NUBPL: variants seen among roughly 807,000 people sequenced by gnomAD.
The protein encoded by NUBPL is NUBP iron-sulfur cluster assembly factor, mitochondrial.
NUBPL carries 31 observed loss-of-function variants against 45.7 expected under a neutral mutation model. That is an observed-to-expected ratio of 0.68 (90% CI 0.51 to 0.92). The LOEUF (loss-of-function observed/expected upper bound fraction) is 0.92, where lower values mean the gene tolerates loss of function less well. Ranked by LOEUF, NUBPL falls within the 40% of genes least tolerant of loss-of-function variation. NUBPL has a pLI of 0.00. For synonymous variants in NUBPL, 144 were observed against 140.9 expected (o/e 1.02, Z -0.15); for missense variants, 401 against 398.7 (o/e 1.01, Z -0.05).
At chr14:31,609,736 A>G (rs1037881990) in intron 4 of NUBPL, among the ~76,000 whole-genome samples, 23 of 152,212 alleles carry the variant, frequency 1.5e-4, no homozygotes, top group Non-Finnish European at 2.1e-4. Context: ...TCTGACCACA[A>G]TGGAATAAAA....
chr14:31,839,384 A>G (rs999585682), intron 8 of NUBPL, among the ~76,000 whole-genome samples: 6 of 152,210 alleles, frequency 3.9e-5, no homozygotes, highest in African/African-American at 1.4e-4. Flanking sequence ...GCTTCAATAA[A>G]TGGTGTTAGG....
chr14:31,819,930 G>A (rs531535078), intron 7 of NUBPL, among the ~76,000 whole-genome samples: 1 of 152,132 alleles, frequency 6.6e-6, no homozygotes, highest in South Asian at 2.1e-4. Context: ...CACGAGGTCA[G>A]GAGATCGAGA....
rs112410415 is a variant in NUBPL, at chr14:31,791,136, G to T, written c.607+3263G>T. Among the ~76,000 whole-genome samples the T allele has an allele frequency of 3.9e-4, 59 of 152,040 alleles. 1 individual carries two copies. Among genetic ancestry groups the T allele is most frequent in the African/African-American group, 1.3e-3 (52 of 41,480 alleles). ...AATATTAAACAAAAAAAGTTAGCTGGGAGTGGTGACGTGCACTTGTGGTCC... is the reference window on the plus strand; with the variant it reads ...AATATTAAACAAAAAAAGTTAGCTGTGAGTGGTGACGTGCACTTGTGGTCC... On this transcript the variant is annotated intron_variant, in intron 7 of 10. Transcript: ENST00000281081.
At chr14:31,658,249 A>C (rs1266583162) in intron 4 of NUBPL, among the ~76,000 whole-genome samples, 1 of 152,178 alleles carries the variant, frequency 6.6e-6, no homozygotes, top group Non-Finnish European at 1.5e-5. Flanking sequence ...TATGTATGTG[A>C]AAAGAATATG....
At chr14:31,637,971 C>G (rs2035557226) in intron 4 of NUBPL, among the ~76,000 whole-genome samples, 2 of 152,052 alleles carry the variant, frequency 1.3e-5, no homozygotes. Flanking sequence ...TTATTTTGAG[C>G]CTATATGTGT....
intron 6 of NUBPL, among the ~76,000 whole-genome samples, chr14:31,762,117 G>C (rs1183372119): frequency 6.6e-6 from 1 of 152,148 alleles, no homozygotes; most frequent in Non-Finnish European, 1.5e-5. Context: ...CAAATTTGCA[G>C]GTTCTTCAGA....
chr14:31,561,619 A>ATT, intron 1 of NUBPL, 72 bp downstream of exon 1: 5 of 1,033,890 alleles, frequency 4.8e-6, no homozygotes, highest in Non-Finnish European at 1.3e-6. Context: ...ATGCCCTGGC[A>ATT]TTGCTTCTTG....
At chr14:31,770,563 G>T (rs937567269) in intron 6 of NUBPL, among the ~76,000 whole-genome samples, 3 of 152,206 alleles carry the variant, frequency 2.0e-5, no homozygotes, top group South Asian at 4.1e-4. Flanking sequence ...TACGAAACTT[G>T]TGACTTCTAG....
intron 7 of NUBPL, among the ~76,000 whole-genome samples, chr14:31,816,531 C>T (rs757967943): frequency 2.6e-5 from 4 of 152,044 alleles, no homozygotes; most frequent in Non-Finnish European, 4.4e-5. Context: ...CTATCTCCTT[C>T]AGTTCTGCTC....
rs540754343 is a variant in NUBPL, at chr14:31,808,205, C to A, written c.608-18424C>A. Among the ~76,000 whole-genome samples, 8 of 152,134 alleles carry A rather than the reference C, an allele frequency of 5.3e-5. No homozygotes were observed. The South Asian group carries it at 6.2e-4, about 12-fold the overall frequency. ...GGGGATGGCATTGAATCTATAAATT[C>A]CCTTGGGCAGTATGGCCATTTTCAC... On this transcript the variant is annotated intron_variant, in intron 7 of 10. Coordinates refer to ENST00000281081, the MANE Select transcript of NUBPL (RefSeq NM_025152.3).
At chr14:31,643,662 T>C (rs1322807378) in intron 4 of NUBPL, among the ~76,000 whole-genome samples, 4 of 152,158 alleles carry the variant, frequency 2.6e-5, no homozygotes, top group Non-Finnish European at 5.9e-5. Flanking sequence ...TCTGGCCTTA[T>C]AGGATCCGTT....
At chr14:31,847,379 A>G (rs2040470792) in intron 9 of NUBPL, among the ~76,000 whole-genome samples, 1 of 152,194 alleles carries the variant, frequency 6.6e-6, no homozygotes, top group Non-Finnish European at 1.5e-5. Flanking sequence ...GTTTTCTGTA[A>G]TATTTAATGT....
At chr14:31,661,539 G>A (rs967770460) in intron 4 of NUBPL, among the ~76,000 whole-genome samples, 1 of 152,080 alleles carries the variant, frequency 6.6e-6, no homozygotes, top group Non-Finnish European at 1.5e-5. Flanking sequence ...TTTCATTTCT[G>A]GTAATTTTTT....
chr14:31,650,231 A>T (rs1157370946), intron 4 of NUBPL, among the ~76,000 whole-genome samples: 2 of 151,818 alleles, frequency 1.3e-5, no homozygotes, highest in African/African-American at 4.8e-5. Flanking sequence ...GTAATTGCAT[A>T]TGTGTGTAAA....
chr14:31,684,537 A>T (rs369191047), intron 6 of NUBPL, among the ~76,000 whole-genome samples: 3 of 152,188 alleles, frequency 2.0e-5, no homozygotes, highest in Non-Finnish European at 4.4e-5. Context: ...GGAAAGCTGC[A>T]TGTATACCAA....
intron 6 of NUBPL, among the ~76,000 whole-genome samples, chr14:31,752,525 T>C (rs1232495034): frequency 6.6e-6 from 1 of 152,208 alleles, no homozygotes; most frequent in African/African-American, 2.4e-5. Context: ...AAGTTCCTCA[T>C]CTCCATCTGA....
At chr14:31,579,260 G>A (rs10133190) in intron 3 of NUBPL, among the ~76,000 whole-genome samples, 32,145 of 152,046 alleles carry the variant, frequency 0.21, 5,751 homozygotes, top group African/African-American at 0.49. Flanking sequence ...TGACCAATGC[G>A]TCTAATCCTG....
At position 31,674,159 on chromosome 14, in the gene NUBPL, A is replaced by C. The variant is rs575771475; in HGVS notation, c.513+585A>C. Among the ~76,000 whole-genome samples, 49 of 152,300 alleles carry C rather than the reference A, an allele frequency of 3.2e-4. 1 individual carries two copies. In the South Asian group the frequency reaches 9.5e-3, roughly 30 times the overall value. Reference sequence around the variant, plus strand: ...TGTTATTTATAGTTAGCTTGGAATAAGTTTTATTTTTTTCTCAGTAGATTT... The same window carrying C: ...TGTTATTTATAGTTAGCTTGGAATACGTTTTATTTTTTTCTCAGTAGATTT... On this transcript the variant is annotated intron_variant, in intron 6 of 10. Transcript: ENST00000281081.
At chr14:31,811,174 G>A (rs543371897) in intron 7 of NUBPL, among the ~76,000 whole-genome samples, 1 of 152,156 alleles carries the variant, frequency 6.6e-6, no homozygotes, top group African/African-American at 2.4e-5. Context: ...TGCCTTGCTG[G>A]GCTGGGGAAG....
Sources: allele counts gnomAD v4.1 joint callset (sites outside exome capture counted in the v4.1 genomes callset), GRCh38; gene constraint gnomAD v4.1.1; transcripts MANE v1.5; gene names NCBI Gene and HGNC (gene_info 2026-07-23, HGNC 2026-07-21).